ERG: variants seen among roughly 807,000 people sequenced by gnomAD.
The protein encoded by ERG is ETS transcription factor ERG.
ERG carries 9 observed loss-of-function variants against 55.3 expected under a neutral mutation model. The observed-to-expected ratio is 0.16, with a 90% CI of 0.10 to 0.28. The LOEUF is 0.28. ERG is among the 10% of genes least tolerant of loss of function. The pLI is 1.00. For synonymous variants in ERG, 223 were observed against 237.3 expected (o/e 0.94, Z 0.55); for missense variants, 434 against 631.6 (o/e 0.69, Z 3.35).
intron 2 of ERG, among the ~76,000 whole-genome samples, chr21:38,572,398 C>T (rs560620372): frequency 1.4e-3 from 214 of 151,180 alleles, no homozygotes; most frequent in African/African-American, 4.8e-3. Flanking sequence ...AACTTCCTTC[C>T]CAGAAATCAT....
At chr21:38,423,325 G>C in intron 3 of ERG, 85 bp downstream of exon 3, 1 of 1,410,930 alleles carries the variant, frequency 7.1e-7, no homozygotes, top group South Asian at 1.3e-5. Context: ...AATGCCACAG[G>C]TGGGGGAGAA....
chr21:38,406,882 G>C (rs1988799135), intron 3 of ERG, among the ~76,000 whole-genome samples: 1 of 152,110 alleles, frequency 6.6e-6, no homozygotes, highest in Non-Finnish European at 1.5e-5. Context: ...GGGTTATCCT[G>C]GCCCATTCAG....
chr21:38,531,779 G>T (rs528488935), intron 2 of ERG, among the ~76,000 whole-genome samples: 75 of 152,278 alleles, frequency 4.9e-4, no homozygotes, highest in African/African-American at 1.8e-3. Flanking sequence ...GCATTCTGCA[G>T]AGTCAAGCGC....
At chr21:38,507,354 CA>C (rs2059470742) in intron 2 of ERG, among the ~76,000 whole-genome samples, 1 of 152,176 alleles carries the variant, frequency 6.6e-6, no homozygotes, top group Admixed American at 6.5e-5. Flanking sequence ...TCATTTGTGC[CA>C]ATATTCCTTT....
chr21:38,369,078 G>T, the ERG span, among the ~76,000 whole-genome samples: 1 of 152,118 alleles, frequency 6.6e-6, no homozygotes, highest in Admixed American at 6.6e-5. Context: ...AGAGAACACT[G>T]AGGTGAACAT....
chr21:38,368,294 T>C, the ERG span, among the ~76,000 whole-genome samples: 1 of 152,186 alleles, frequency 6.6e-6, no homozygotes, highest in Non-Finnish European at 1.5e-5. Flanking sequence ...CTAAATAATA[T>C]ATTATCTTTC....
chr21:38,388,952 G>A (rs924480202), intron 9 of ERG, among the ~76,000 whole-genome samples: 1 of 152,216 alleles, frequency 6.6e-6, no homozygotes, highest in Non-Finnish European at 1.5e-5. Flanking sequence ...CCTTTGGGCT[G>A]TGACAACGTG....
At chr21:38,539,013 A>C (rs1300589675) in intron 2 of ERG, among the ~76,000 whole-genome samples, 2 of 152,242 alleles carry the variant, frequency 1.3e-5, no homozygotes, top group African/African-American at 4.8e-5. Context: ...GTCAGCTCTC[A>C]GAATCTCAGT....
intron 1 of ERG, among the ~76,000 whole-genome samples, chr21:38,603,319 G>A (rs936355746): frequency 6.6e-6 from 1 of 152,000 alleles, no homozygotes; most frequent in Non-Finnish European, 1.5e-5. Flanking sequence ...GATAAAATCC[G>A]ATTAAAACAA....
intron 2 of ERG, among the ~76,000 whole-genome samples, chr21:38,524,859 T>A (rs959146731): frequency 6.6e-6 from 1 of 152,222 alleles, no homozygotes; most frequent in East Asian, 1.9e-4. Context: ...ATCCTGAGCA[T>A]TGGTGAGCAA....
At chr21:38,554,615 A>T (rs1270430118) in intron 2 of ERG, among the ~76,000 whole-genome samples, 1 of 152,202 alleles carries the variant, frequency 6.6e-6, no homozygotes, top group African/African-American at 2.4e-5. Context: ...AGTGGGAGCT[A>T]AACACTGAGC....
At chr21:38,491,093 G>T (rs762295101) in intron 1 of ERG, among the ~76,000 whole-genome samples, 18 of 151,756 alleles carry the variant, frequency 1.2e-4, no homozygotes, top group Non-Finnish European at 2.1e-4. Flanking sequence ...GCAATGTCTT[G>T]GGACATCTAC....
In ERG at chr21:38,468,986, AAAAAAAAAAAAAAAAG is replaced by A. The variant is rs1437155890; in HGVS notation, c.19-23381_19-23366del. On this transcript the variant is annotated intron_variant, in intron 1 of 9. Coordinates refer to ENST00000288319, the MANE Select transcript of ERG (RefSeq NM_182918.4). ...GGAGACAGCCAGACTCTGTCTCAAA[AAAAAAAAAAAAAAAAG>A]AAAAAAAAAAAAGAAAATGTGGCTT... Among the ~76,000 whole-genome samples, 269 of 71,922 alleles carry A rather than the reference AAAAAAAAAAAAAAAAG, an allele frequency of 3.7e-3. 1 individual carries two copies. The highest frequency in any genetic ancestry group is 0.02 in the South Asian group (42 of 2,052). 47.2% of individuals were successfully genotyped at this position (71,922 alleles called of 152,430 possible). A position where few individuals can be genotyped will look rare whatever the true frequency, so the allele number is the denominator to read the frequency against.
At chr21:38,548,614 A>ATTT (rs58333375) in intron 2 of ERG, among the ~76,000 whole-genome samples, 3 of 107,182 alleles carry the variant, frequency 2.8e-5, no homozygotes, top group African/African-American at 1.1e-4. Context: ...CGCCCGGCTA[A>ATTT]TTTTTTTTTT....
intron 2 of ERG, among the ~76,000 whole-genome samples, chr21:38,513,866 T>C (rs1213502939): frequency 1.3e-5 from 2 of 151,908 alleles, no homozygotes; most frequent in African/African-American, 4.8e-5. Context: ...TCTGAAAAGA[T>C]TAGTTATGTG....
chr21:38,620,427 C>A (rs1055265967), intron 1 of ERG, among the ~76,000 whole-genome samples: 3 of 152,166 alleles, frequency 2.0e-5, no homozygotes, highest in East Asian at 1.9e-4. Context: ...TCTGCAGGCC[C>A]GCAGCCAGCT....
chr21:38,450,803 T>C lies in ERG; in HGVS notation c.19-5182A>G, dbSNP rs113130186. 687 of 426,032 alleles carry C rather than the reference T, an allele frequency of 1.6e-3. 12 individuals are homozygous for C. Among genetic ancestry groups the C allele is most frequent in the African/African-American group, 0.013 (628 of 49,190 alleles). The allele number at this position is 426,032 out of a possible 1,614,324, so 26.4% of individuals were successfully genotyped here. ...TCAGGCAGCATTTCTTCTTCTCTGA[T>C]GGCAGATAAAATAATGGGACATTTT... On this transcript the variant is annotated intron_variant, in intron 1 of 9. Transcript: ENST00000288319.
At chr21:38,551,204 A>T in intron 2 of ERG, among the ~76,000 whole-genome samples, 2 of 149,556 alleles carry the variant, frequency 1.3e-5, no homozygotes, top group Non-Finnish European at 1.5e-5. Flanking sequence ...CCCCTTTGTC[A>T]TTTCTGATTA....
At chr21:38,569,270 G>A (rs1385981668) in intron 2 of ERG, among the ~76,000 whole-genome samples, 3 of 152,160 alleles carry the variant, frequency 2.0e-5, no homozygotes, top group Admixed American at 6.5e-5. Flanking sequence ...ATTCCTCATC[G>A]CAAAAGGGTG....
Sources: gnomAD v4.1 joint callset for allele counts (sites outside exome capture counted in the v4.1 genomes callset) on GRCh38, gnomAD v4.1.1 for gene constraint, MANE v1.5 for transcripts, NCBI Gene and HGNC (gene_info 2026-07-23, HGNC 2026-07-21) for gene names.